Variants in ZFHX3 observed in about 807,000 individuals in gnomAD.
ZFHX3 encodes zinc finger homeobox 3.
In ZFHX3, 42 loss-of-function variants were observed where a neutral mutation model predicts 279.1. That is an observed-to-expected ratio of 0.15 (90% CI 0.12 to 0.19). The LOEUF (loss-of-function observed/expected upper bound fraction) is 0.19, where lower values mean the gene tolerates loss of function less well. Ranked by LOEUF, ZFHX3 falls within the 10% of genes least tolerant of loss-of-function variation. ZFHX3 has a pLI of 1.00. For missense variants in ZFHX3, 4,981 were observed against 4,754.0 expected (o/e 1.05, Z -1.40); for synonymous variants, 2,293 against 1,957.8 (o/e 1.17, Z -4.52).
chr16:73,038,974 T>G (rs1188061645), intron 1 of ZFHX3, among the ~76,000 whole-genome samples: 1 of 151,698 alleles, frequency 6.6e-6, no homozygotes, highest in Admixed American at 6.6e-5. Context: ...ATTTTTGTAT[T>G]TTTTTTGTAG....
intron 2 of ZFHX3, among the ~76,000 whole-genome samples, chr16:73,553,014 G>C (rs751127055): frequency 5.3e-5 from 8 of 152,040 alleles, no homozygotes; most frequent in Non-Finnish European, 1.2e-4. Flanking sequence ...ACATTCTGCC[G>C]GGCTCTGCTA....
At chr16:73,253,910 C>T (rs1175021195) in intron 5 of ZFHX3, among the ~76,000 whole-genome samples, 1 of 152,046 alleles carries the variant, frequency 6.6e-6, no homozygotes, top group Non-Finnish European at 1.5e-5. Context: ...TGCAAGAAGA[C>T]TAAGAGAAAA....
intron 1 of ZFHX3, among the ~76,000 whole-genome samples, chr16:73,799,467 G>A (rs1215735101): frequency 1.3e-5 from 2 of 152,124 alleles, no homozygotes; most frequent in Admixed American, 6.5e-5. Context: ...TCCCTTGCAG[G>A]CAGCATTCTC....
chr16:73,527,901 C>T (rs979470172), intron 2 of ZFHX3, among the ~76,000 whole-genome samples: 1 of 152,190 alleles, frequency 6.6e-6, no homozygotes, highest in Non-Finnish European at 1.5e-5. Flanking sequence ...CAGAGGCACC[C>T]AGCTAACCTA....
At chr16:73,323,731 A>G (rs1479217425) in intron 3 of ZFHX3, among the ~76,000 whole-genome samples, 1 of 152,128 alleles carries the variant, frequency 6.6e-6, no homozygotes, top group Non-Finnish European at 1.5e-5. Flanking sequence ...AGGGAGGAGG[A>G]GAAGGAGGAT....
intron 2 of ZFHX3, among the ~76,000 whole-genome samples, chr16:73,506,839 A>C (rs2019335694): frequency 6.6e-6 from 1 of 152,082 alleles, no homozygotes; most frequent in Admixed American, 6.5e-5. Flanking sequence ...AAGATTACAC[A>C]CTTTAATATG....
chr16:73,841,424 C>A (rs972988284), intron 1 of ZFHX3, among the ~76,000 whole-genome samples: 1 of 152,114 alleles, frequency 6.6e-6, no homozygotes, highest in African/African-American at 2.4e-5. Context: ...GGAATCATAA[C>A]AATCAGGCTC....
At chr16:73,764,619 GA>G (rs1250899741) in intron 1 of ZFHX3, among the ~76,000 whole-genome samples, 1 of 152,192 alleles carries the variant, frequency 6.6e-6, no homozygotes, top group Non-Finnish European at 1.5e-5. Context: ...AGATGAGAAG[GA>G]AGGAGAGCTC....
At chr16:73,298,886 G>T (rs1350653875) in intron 4 of ZFHX3, among the ~76,000 whole-genome samples, 1 of 152,218 alleles carries the variant, frequency 6.6e-6, no homozygotes, top group Non-Finnish European at 1.5e-5. Context: ...TGTGGATACA[G>T]TCAGAACAAT....
At chr16:72,962,416 T>C (rs189936356) in intron 1 of ZFHX3, among the ~76,000 whole-genome samples, 3 of 152,232 alleles carry the variant, frequency 2.0e-5, no homozygotes, top group Non-Finnish European at 2.9e-5. Context: ...AGAATGACAC[T>C]GTACCCACCT....
intron 1 of ZFHX3, among the ~76,000 whole-genome samples, chr16:73,887,809 CA>C (rs1385994778): frequency 1.3e-5 from 2 of 152,056 alleles, no homozygotes; most frequent in African/African-American, 4.8e-5. Flanking sequence ...AATTCGTGTT[CA>C]ATGCACCCAG....
At chr16:73,772,772 G>A (rs1447120746) in intron 1 of ZFHX3, among the ~76,000 whole-genome samples, 1 of 152,162 alleles carries the variant, frequency 6.6e-6, no homozygotes, top group East Asian at 1.9e-4. Context: ...TGGGGGGTGT[G>A]TGTTTCTGAG....
intron 3 of ZFHX3, among the ~76,000 whole-genome samples, chr16:73,411,808 T>A (rs1047453598): frequency 5.3e-5 from 8 of 152,180 alleles, no homozygotes; most frequent in Non-Finnish European, 1.2e-4. Flanking sequence ...ACGCCCAGCA[T>A]CCTTACTCCT....
chr16:73,820,134 G>A (rs749891672), intron 1 of ZFHX3, among the ~76,000 whole-genome samples: 8 of 152,094 alleles, frequency 5.3e-5, no homozygotes, highest in Non-Finnish European at 1.2e-4. Context: ...CTGTCGCCCA[G>A]GCTGGAGTGC....
chr16:73,537,814 G>A (rs2019933899), intron 2 of ZFHX3, among the ~76,000 whole-genome samples: 1 of 152,182 alleles, frequency 6.6e-6, no homozygotes, highest in Admixed American at 6.5e-5. Flanking sequence ...TATGACATGT[G>A]GTGAAGGGAC....
chr16:73,147,483 G>A (rs1011218081), intron 5 of ZFHX3, among the ~76,000 whole-genome samples: 1 of 151,342 alleles, frequency 6.6e-6, no homozygotes, highest in African/African-American at 2.4e-5. Flanking sequence ...ACGAGGTCAG[G>A]AGATCGAGAC....
intron 3 of ZFHX3, among the ~76,000 whole-genome samples, chr16:73,353,627 A>C (rs536828221): frequency 6.6e-6 from 1 of 152,292 alleles, no homozygotes; most frequent in East Asian, 1.9e-4. Flanking sequence ...GCTCATGGCC[A>C]CTTAGCCATC....
chr16:73,474,535 C>A (rs2018731753), intron 2 of ZFHX3, among the ~76,000 whole-genome samples: 1 of 152,134 alleles, frequency 6.6e-6, no homozygotes, highest in African/African-American at 2.4e-5. Context: ...CTAGCATTCC[C>A]AGAGGAGGAG....
chr16:72,888,725 A>G (rs2038692953), intron 4 of ZFHX3, among the ~76,000 whole-genome samples: 1 of 152,242 alleles, frequency 6.6e-6, no homozygotes, highest in Non-Finnish European at 1.5e-5. Flanking sequence ...GAAAACAGTC[A>G]GGCCCAGCAG....
Sources: allele counts gnomAD v4.1 joint callset (sites outside exome capture counted in the v4.1 genomes callset), GRCh38; gene constraint gnomAD v4.1.1; transcripts MANE v1.5; gene names NCBI Gene and HGNC (gene_info 2026-07-23, HGNC 2026-07-21).